The following ADAMTSL3 variants were observed in gnomAD, a reference collection of about 807,000 sequenced individuals.
ADAMTSL3 encodes ADAMTS like 3.
Under a neutral mutation model 201.7 loss-of-function variants are expected in ADAMTSL3, and 128 were observed. That is an observed-to-expected ratio of 0.63 (90% confidence interval 0.55 to 0.73). ADAMTSL3 has a LOEUF of 0.73. ADAMTSL3 is among the 30% of genes least tolerant of loss of function. The pLI, the probability that ADAMTSL3 is intolerant of heterozygous loss-of-function variation, is 0.00. For missense variants in ADAMTSL3, 1,990 were observed against 2,119.6 expected (o/e 0.94, Z 1.20); for synonymous variants, 738 against 748.4 (o/e 0.99, Z 0.23).
At chr15:83,950,433 G>T (rs999569421) in intron 19 of ADAMTSL3, among the ~76,000 whole-genome samples, 6 of 152,142 alleles carry the variant, frequency 3.9e-5, no homozygotes, top group African/African-American at 1.4e-4. Flanking sequence ...TTTGAAGTCA[G>T]ATAATGTGAT....
At chr15:83,842,274 C>A (rs1003585566) in intron 7 of ADAMTSL3, among the ~76,000 whole-genome samples, 1 of 151,926 alleles carries the variant, frequency 6.6e-6, no homozygotes, top group African/African-American at 2.4e-5. Flanking sequence ...GCTGCGATAC[C>A]GAAAGCCCTC....
chr15:83,739,952 G>GTA, intron 3 of ADAMTSL3: 1 of 530,404 alleles, frequency 1.9e-6, no homozygotes, highest in South Asian at 1.5e-5. Flanking sequence ...AGTGAGATGG[G>GTA]TACTGGCAAG....
intron 17 of ADAMTSL3, among the ~76,000 whole-genome samples, chr15:83,935,220 A>G (rs940098620): frequency 2.6e-5 from 4 of 152,222 alleles, no homozygotes; most frequent in Admixed American, 2.6e-4. Context: ...AGAGAATCAT[A>G]TTAAATTCTC....
chr15:83,954,602 AT>A (rs2066819321), intron 19 of ADAMTSL3, among the ~76,000 whole-genome samples: 1 of 152,014 alleles, frequency 6.6e-6, no homozygotes, highest in African/African-American at 2.4e-5. Flanking sequence ...ATAATTATGT[AT>A]TTATTGTAGT....
intron 3 of ADAMTSL3, among the ~76,000 whole-genome samples, chr15:83,707,602 A>G (rs187069104): frequency 6.6e-6 from 1 of 152,332 alleles, no homozygotes; most frequent in Admixed American, 6.5e-5. Flanking sequence ...TTTCCGATCA[A>G]TATCCCACAT....
At chr15:83,755,653 C>G (rs1596146656) in intron 3 of ADAMTSL3, among the ~76,000 whole-genome samples, 1 of 152,290 alleles carries the variant, frequency 6.6e-6, no homozygotes, top group Non-Finnish European at 1.5e-5. Context: ...TTTTGCTTCT[C>G]TACTTATTTG....
chr15:83,723,992 A>G (rs1419206529), intron 3 of ADAMTSL3, among the ~76,000 whole-genome samples: 1 of 152,088 alleles, frequency 6.6e-6, no homozygotes, highest in African/African-American at 2.4e-5. Context: ...GGGGGAATGG[A>G]CATCCAAGGC....
intron 7 of ADAMTSL3, among the ~76,000 whole-genome samples, chr15:83,847,855 A>C (rs550077790): frequency 9.2e-5 from 14 of 151,682 alleles, no homozygotes; most frequent in Non-Finnish European, 2.1e-4. Context: ...GGGAATTAAC[A>C]AACACTTTTT....
rs529899411 is a variant in ADAMTSL3 at position 83,893,336 on chromosome 15, G to C, written c.1467+448G>C. On this transcript the variant is annotated intron_variant, in intron 13 of 29. Coordinates refer to ENST00000286744, the MANE Select transcript of ADAMTSL3 (RefSeq NM_207517.3). ...GAGAAACATCACTGGGTTAGGGTTA[G>C]TGTTAGGGAGATGGCCAAACAGAGA... 6.0e-5 allele frequency among the ~76,000 whole-genome samples: 9 copies of C among 149,224 alleles called. No homozygotes were observed. In the South Asian group the frequency reaches 1.7e-3, roughly 27 times the overall value.
chr15:83,837,838 A>G (rs528053478), intron 6 of ADAMTSL3, among the ~76,000 whole-genome samples: 1 of 151,890 alleles, frequency 6.6e-6, no homozygotes, highest in Admixed American at 6.6e-5. Flanking sequence ...ATAAAAATAT[A>G]AATAGAAAAG....
chr15:83,662,439 G>A (rs1311426388), intron 2 of ADAMTSL3, among the ~76,000 whole-genome samples: 2 of 139,426 alleles, frequency 1.4e-5, no homozygotes, highest in Non-Finnish European at 3.1e-5. Context: ...GGGGGGAGGG[G>A]GGGATAGCAT....
intron 9 of ADAMTSL3, among the ~76,000 whole-genome samples, chr15:83,874,763 G>T (rs1463962598): frequency 7.0e-6 from 1 of 143,248 alleles, no homozygotes; most frequent in Non-Finnish European, 1.5e-5. Flanking sequence ...GGGAAAGATA[G>T]TGTGCTCACT....
chr15:83,874,416 G>A (rs2065139729), intron 9 of ADAMTSL3, among the ~76,000 whole-genome samples: 1 of 144,730 alleles, frequency 6.9e-6, no homozygotes, highest in South Asian at 2.1e-4. Context: ...GTCTCCTTCA[G>A]TTCCTGAGTG....
At chr15:83,999,136 T>C (rs1481405544) in intron 23 of ADAMTSL3, among the ~76,000 whole-genome samples, 1 of 152,246 alleles carries the variant, frequency 6.6e-6, no homozygotes, top group Non-Finnish European at 1.5e-5. Context: ...TATTTTGTTA[T>C]ATTCCTGTAA....
At chr15:84,000,580 T>C (rs1311727078) in intron 23 of ADAMTSL3, among the ~76,000 whole-genome samples, 1 of 152,214 alleles carries the variant, frequency 6.6e-6, no homozygotes, top group African/African-American at 2.4e-5. Flanking sequence ...TGCAGCTATA[T>C]AGACAAAGGA....
chr15:84,029,316 GTC>G (rs1463186834), intron 27 of ADAMTSL3, among the ~76,000 whole-genome samples: 1 of 152,186 alleles, frequency 6.6e-6, no homozygotes. Flanking sequence ...GGCTGAGATG[GTC>G]TCAGGTGGAG....
chr15:83,912,839 C>G (rs1280994292), intron 15 of ADAMTSL3, among the ~76,000 whole-genome samples: 1 of 152,142 alleles, frequency 6.6e-6, no homozygotes, highest in African/African-American at 2.4e-5. Flanking sequence ...GGCCATAGCA[C>G]AGATTCGAAT....
chr15:83,659,462 T>C (rs1020501137), intron 2 of ADAMTSL3, among the ~76,000 whole-genome samples: 4 of 152,206 alleles, frequency 2.6e-5, no homozygotes, highest in African/African-American at 9.7e-5. Context: ...TGTAGAAGGC[T>C]GATCTTACAG....
chr15:83,906,579 T>C (rs1430018962), intron 15 of ADAMTSL3, among the ~76,000 whole-genome samples: 1 of 147,438 alleles, frequency 6.8e-6, no homozygotes, highest in Non-Finnish European at 1.5e-5. Context: ...GGAAAACTGG[T>C]AATTTTAGTA....
Sources: gnomAD v4.1 joint callset for allele counts (sites outside exome capture counted in the v4.1 genomes callset) on GRCh38, gnomAD v4.1.1 for gene constraint, MANE v1.5 for transcripts, NCBI Gene and HGNC (gene_info 2026-07-23, HGNC 2026-07-21) for gene names.